Variants in AK7 observed in about 807,000 individuals in gnomAD.
The protein encoded by AK7 is ATP-AMP transphosphorylase 7.
A neutral mutation model predicts 96.6 loss-of-function variants in AK7; 78 were observed. The observed-to-expected ratio is 0.81, with a 90% CI of 0.67 to 0.97. AK7 has a LOEUF of 0.97. AK7 is among the 50% of genes least tolerant of loss of function. The pLI is 0.00. For synonymous variants in AK7, 302 were observed against 317.2 expected, an observed-to-expected ratio of 0.95 and a Z score of 0.51; for missense variants, 855 against 887.9, an observed-to-expected ratio of 0.96 and a Z score of 0.47.
At chr14:96,398,371 C>A in intron 2 of AK7, 108 bp downstream of exon 2, 1 of 1,148,278 alleles carries the variant, frequency 8.7e-7, no homozygotes, top group Non-Finnish European at 1.3e-6. Context: ...CTCTCTTCCA[C>A]AGACATGGCC....
At chr14:96,431,577 T>G (rs1298400973) in intron 5 of AK7, among the ~76,000 whole-genome samples, 1 of 152,234 alleles carries the variant, frequency 6.6e-6, no homozygotes, top group Admixed American at 6.5e-5. Context: ...TTGAGTGAGT[T>G]TCTTAACCCT....
Position 96,392,201 on chromosome 14 carries a change from G to C in AK7, c.47G>C (p.Arg16Pro). ...ETAALTEKVI[R>P]TQRVFINLLD... is the part of the protein sequence containing the mutation. ...GCTGCTCTCACGGAGAAGGTTATCC[G>C]GACCCAGAGGGTGTTTATAAACCTG... is the stretch of plus-strand genomic sequence containing the variant. Residue 16 changes from arginine (R) to proline (P), a missense_variant, in exon 1 of 18, where the codon CGG becomes CCG. Arg to Pro is a moderately radical substitution (Grantham distance 103, BLOSUM62 -2). Coordinates refer to ENST00000267584, the MANE Select transcript of AK7 (RefSeq NM_152327.5). 1.2e-6 allele frequency: 2 copies of C among 1,613,706 alleles called. No homozygotes were observed. The highest frequency in any genetic ancestry group is 1.1e-5 in the South Asian group (1 of 91,078).
chr14:96,408,651 G>C (rs890589230), intron 3 of AK7, among the ~76,000 whole-genome samples, 196 bp from the exon 4 acceptor site: 3 of 152,196 alleles, frequency 2.0e-5, no homozygotes, highest in Non-Finnish European at 2.9e-5. Flanking sequence ...ACAACCTGCT[G>C]GGATCCGTAT....
rs1420327629 is a variant in AK7 at position 96,446,537 on chromosome 14, A to G, written c.800A>G (p.Asp267Gly). ...DLAGVIQNVIDHVPKPHYLVA... is the reference protein window; with the variant it reads ...DLAGVIQNVIGHVPKPHYLVA... ...TGCAGAGTGATACAAAACGTCATAG[A>G]TCACGTGCCAAAGCCTCACTACCTG... is the stretch of plus-strand genomic sequence containing the variant. Residue 267 changes from aspartate (D) to glycine (G), a missense_variant, in exon 8 of 18, where the codon GAT becomes GGT. Transcript: ENST00000267584. The G allele has an allele frequency of 3.1e-6, 5 of 1,614,046 alleles. No homozygotes were observed. Among genetic ancestry groups the G allele is most frequent in the Non-Finnish European group, 4.2e-6 (5 of 1,180,022 alleles).
intron 3 of AK7, among the ~76,000 whole-genome samples, chr14:96,407,117 A>T (rs1890755548): frequency 6.6e-6 from 1 of 152,268 alleles, no homozygotes; most frequent in African/African-American, 2.4e-5. Context: ...AAATATCTGC[A>T]TATAGATGAA....
chr14:96,414,192 C>T (rs561834412), intron 4 of AK7, among the ~76,000 whole-genome samples: 77 of 152,330 alleles, frequency 5.1e-4, no homozygotes, highest in Non-Finnish European at 9.0e-4. Context: ...ATGGCTCCAA[C>T]GCCTTCCAGA....
At chr14:96,393,906 C>T (rs753675672) in intron 1 of AK7, among the ~76,000 whole-genome samples, 10 of 151,940 alleles carry the variant, frequency 6.6e-5, no homozygotes, top group Non-Finnish European at 1.5e-4. Flanking sequence ...GTCAGGAGTT[C>T]GAGACCAGCC....
chr14:96,467,677 G>A (rs964123305), intron 12 of AK7, among the ~76,000 whole-genome samples: 27 of 152,028 alleles, frequency 1.8e-4, no homozygotes, highest in Non-Finnish European at 2.8e-4. Flanking sequence ...AGCTGCTTAC[G>A]GACATTACCT....
chr14:96,431,413 C>T (rs1892343079), intron 5 of AK7, among the ~76,000 whole-genome samples: 1 of 152,148 alleles, frequency 6.6e-6, no homozygotes, highest in Admixed American at 6.5e-5. Flanking sequence ...ATAAATTTCC[C>T]TCTACACACT....
intron 14 of AK7, among the ~76,000 whole-genome samples, chr14:96,477,732 CGTAA>C (rs900557064): frequency 3.3e-5 from 5 of 152,176 alleles, no homozygotes; most frequent in African/African-American, 1.2e-4. Context: ...ACATGTTGTA[CGTAA>C]GTGTTTCATA....
At chr14:96,455,426 A>G (rs372151941) in intron 10 of AK7, among the ~76,000 whole-genome samples, 195 of 152,274 alleles carry the variant, frequency 1.3e-3, no homozygotes, top group African/African-American at 4.6e-3. Flanking sequence ...TCGAGGCTGC[A>G]GTGATCTGTG....
chr14:96,405,449 A>C (rs1162492696), intron 3 of AK7, among the ~76,000 whole-genome samples: 1 of 151,828 alleles, frequency 6.6e-6, no homozygotes, highest in Non-Finnish European at 1.5e-5. Flanking sequence ...CTCCCAAAGC[A>C]CTGGAGTTAC....
rs888872890 is a variant in AK7, at chr14:96,459,508, C to T, written c.1357+1296C>T. On this transcript the variant is annotated intron_variant, in intron 12 of 17. Coordinates refer to ENST00000267584, the MANE Select transcript of AK7 (RefSeq NM_152327.5). The stretch of plus-strand genomic sequence containing the variant: ...GCCACTGATATGATAAGTTAATGTC[C>T]TTAATATATAAAATGTTCAGGCAAA... Among the ~76,000 whole-genome samples the T allele has an allele frequency of 2.6e-5, 4 of 152,032 alleles. No individual in the cohort carries two copies. The East Asian group carries it at 5.8e-4, about 22-fold the overall frequency.
chr14:96,463,781 G>C (rs1453303916), intron 12 of AK7, among the ~76,000 whole-genome samples: 2 of 150,668 alleles, frequency 1.3e-5, no homozygotes, highest in Non-Finnish European at 3.0e-5. Flanking sequence ...AAATCCACCA[G>C]CTTGGAGGAT....
intron 8 of AK7, among the ~76,000 whole-genome samples, chr14:96,448,589 C>G (rs1185525539): frequency 2.1e-5 from 3 of 140,342 alleles, no homozygotes; most frequent in Admixed American, 1.5e-4. Flanking sequence ...ATAATTGCAC[C>G]ACTGCACTGC....
chr14:96,417,629 T>C (rs963076438), intron 4 of AK7, among the ~76,000 whole-genome samples: 1 of 152,164 alleles, frequency 6.6e-6, no homozygotes, highest in African/African-American at 2.4e-5. Context: ...TAAACACACT[T>C]TGCTCTCTTT....
At chr14:96,477,846 G>A (rs1409676097) in intron 14 of AK7, among the ~76,000 whole-genome samples, 1 of 152,118 alleles carries the variant, frequency 6.6e-6, no homozygotes, top group African/African-American at 2.4e-5. Flanking sequence ...TTTGCTTGTA[G>A]CCATAGCTCT....
chr14:96,439,654 A>G (rs2140087284), intron 6 of AK7, among the ~76,000 whole-genome samples: 1 of 127,600 alleles, frequency 7.8e-6, no homozygotes. Context: ...ACAGAGCGAG[A>G]CTCCATCTCA....
intron 5 of AK7, among the ~76,000 whole-genome samples, chr14:96,437,301 A>G (rs2140082290): frequency 6.6e-6 from 1 of 152,310 alleles, no homozygotes; most frequent in South Asian, 2.1e-4. Context: ...GCATGCCTGT[A>G]TCAAAACATC....
Sources: gnomAD v4.1 joint callset for allele counts (sites outside exome capture counted in the v4.1 genomes callset) on GRCh38, gnomAD v4.1.1 for gene constraint, MANE v1.5 for transcripts, NCBI Gene and HGNC (gene_info 2026-07-23, HGNC 2026-07-21) for gene names.